SIPA1L2: variants seen among roughly 807,000 people sequenced by gnomAD.
SIPA1L2 encodes the protein signal-induced proliferation-associated 1-like protein 2.
In SIPA1L2, 56 loss-of-function variants were observed where a neutral mutation model predicts 163.9. The ratio of observed to expected loss-of-function variants is 0.34; its 90% CI spans 0.28 to 0.43. The LOEUF is 0.43. Among genes scored for constraint, SIPA1L2 ranks in the 20% least tolerant of loss-of-function variants. The pLI, the probability that SIPA1L2 is intolerant of heterozygous loss-of-function variation, is 1.00. For missense variants in SIPA1L2, 1,974 were observed against 2,193.5 expected, an observed-to-expected ratio of 0.90 and a Z score of 2.00; for synonymous variants, 877 against 865.7, an observed-to-expected ratio of 1.01 and a Z score of -0.23.
chr1:232,514,745 C>T lies in SIPA1L2; in HGVS notation c.595G>A (p.Asp199Asn). The change falls in exon 3 of 23, where the codon GAC becomes AAC. Residue 199 changes from aspartate to asparagine, a missense_variant. Asp to Asn is a conservative substitution (Grantham distance 23). Coordinates refer to ENST00000674635, the MANE Select transcript of SIPA1L2 (RefSeq NM_020808.5). ...TTTTCACCAGATAAGCCTTGCCTGTCGATGGATGAAGTACTTCCATACTCC... is the reference window on the plus strand; with the variant it reads ...TTTTCACCAGATAAGCCTTGCCTGTTGATGGATGAAGTACTTCCATACTCC... The part of the protein sequence containing the change: ...HREYGSTSSI[D>N]RQGLSGENFF... 12 of 1,614,180 alleles carry T rather than the reference C, an allele frequency of 7.4e-6. No individual in the cohort carries two copies. Among genetic ancestry groups the T allele is most frequent in the Non-Finnish European group, 9.3e-6 (11 of 1,180,022 alleles).
intron 1 of SIPA1L2, among the ~76,000 whole-genome samples, chr1:232,621,867 C>A (rs1213472293): frequency 6.6e-6 from 1 of 151,868 alleles, no homozygotes; most frequent in Non-Finnish European, 1.5e-5. Flanking sequence ...GTGGCTAGGT[C>A]GACAGGTGTG....
chr1:232,445,559 G>A lies in SIPA1L2; in HGVS notation c.3323C>T (p.Ser1108Phe), dbSNP rs1424892562. 6.2e-7 allele frequency: 1 copy of A among 1,613,992 alleles called. No individual in the cohort carries two copies. Among genetic ancestry groups the A allele is most frequent in the East Asian group, 2.2e-5 (1 of 44,876 alleles). ...GCCATCGGGCAGCTTCCGGTCGAAG[G>A]AGGTGCTTCGAGGAATGGCAGCCTG... ...QAQAAIPRST[S>F]FDRKLPDGTR... The change falls in exon 11 of 23, where the codon TCC becomes TTC. Residue 1108 changes from serine (S) to phenylalanine (F), a missense_variant. Transcript: ENST00000674635.
At chr1:232,572,734 CATACATAT>C (rs745344210) in intron 2 of SIPA1L2, among the ~76,000 whole-genome samples, 15,955 of 67,244 alleles carry the variant, frequency 0.24, 1,395 homozygotes, top group South Asian at 0.39. Context: ...TATATACATA[CATACATAT>C]ATATATATAT....
chr1:232,523,485 AAC>A (rs1277693378), intron 2 of SIPA1L2, among the ~76,000 whole-genome samples: 1 of 152,212 alleles, frequency 6.6e-6, no homozygotes, highest in African/African-American at 2.4e-5. Context: ...GTCTGAGGAA[AAC>A]ACAGCAAAAG....
At chr1:232,531,971 C>G (rs1184063377) in intron 2 of SIPA1L2, among the ~76,000 whole-genome samples, 1 of 152,154 alleles carries the variant, frequency 6.6e-6, no homozygotes, top group Non-Finnish European at 1.5e-5. Flanking sequence ...GTAGCGGGCT[C>G]AGATCCGGGA....
chr1:232,618,219 G>A (rs1383762595), intron 1 of SIPA1L2, among the ~76,000 whole-genome samples: 1 of 152,216 alleles, frequency 6.6e-6, no homozygotes, highest in African/African-American at 2.4e-5. Context: ...GTTAGTTCAT[G>A]AGACATAAGA....
At chr1:232,491,391 G>C (rs112404153) in intron 4 of SIPA1L2, among the ~76,000 whole-genome samples, 1 of 152,138 alleles carries the variant, frequency 6.6e-6, no homozygotes, top group South Asian at 2.1e-4. Flanking sequence ...TTCACACAGA[G>C]AGGAAACCAG....
intron 1 of SIPA1L2, among the ~76,000 whole-genome samples, chr1:232,625,005 G>A (rs140048128): frequency 1.4e-4 from 22 of 152,330 alleles, no homozygotes; most frequent in African/African-American, 5.3e-4. Flanking sequence ...AATCCAGTCA[G>A]TCATTTAACA....
At chr1:232,517,895 T>A (rs1003118249) in intron 2 of SIPA1L2, among the ~76,000 whole-genome samples, 3 of 151,908 alleles carry the variant, frequency 2.0e-5, no homozygotes, top group African/African-American at 7.3e-5. Flanking sequence ...TGTTTTTTTT[T>A]AATTAGCCCG....
intron 2 of SIPA1L2, among the ~76,000 whole-genome samples, chr1:232,527,652 C>G (rs1199715486): frequency 6.6e-6 from 1 of 151,080 alleles, no homozygotes; most frequent in African/African-American, 2.4e-5. Flanking sequence ...AAAGAATGAC[C>G]ACTTAATATG....
At chr1:232,554,230 C>CA (rs1658569101) in intron 2 of SIPA1L2, among the ~76,000 whole-genome samples, 1 of 152,136 alleles carries the variant, frequency 6.6e-6, no homozygotes, top group Admixed American at 6.5e-5. Flanking sequence ...TAAATGCAGT[C>CA]ATCAGAGCAA....
chr1:232,465,205 T>A lies in SIPA1L2; in HGVS notation c.2455A>T (p.Thr819Ser), dbSNP rs76102979. ...TTCACAGAGGTATCCACGGTGGCGG[T>A]TGTGACAAAGTTCTCCGCCAGATCT... The part of the protein sequence containing the change: ...LKDLAENFVT[T>S]ATVDTSVKFS... The change falls in exon 9 of 23, where the codon ACC becomes TCC. Residue 819 changes from threonine (T) to serine (S), a missense_variant. Thr to Ser is a moderately conservative substitution (Grantham distance 58). Around this residue, in one of 3 missense-constraint regions of SIPA1L2, gnomAD observed 288 missense variants for 418.9 expected, o/e 0.69. Coordinates refer to ENST00000674635, the MANE Select transcript of SIPA1L2 (RefSeq NM_020808.5). The surrounding 1 kb of genome is among the most constrained non-coding windows in gnomAD (Gnocchi z 4.1). 1.2e-6 allele frequency: 2 copies of A among 1,614,154 alleles called. No individual in the cohort carries two copies. Among genetic ancestry groups the A allele is most frequent in the Admixed American group, 1.7e-5 (1 of 60,024 alleles).
chr1:232,608,919 A>G (rs1000224110), intron 1 of SIPA1L2, among the ~76,000 whole-genome samples: 1 of 152,082 alleles, frequency 6.6e-6, no homozygotes, highest in African/African-American at 2.4e-5. Context: ...TACTCACAAT[A>G]GGCCGGTCTT....
intron 1 of SIPA1L2, among the ~76,000 whole-genome samples, chr1:232,576,242 C>T (rs1287416460): frequency 1.3e-5 from 2 of 152,236 alleles, no homozygotes; most frequent in Non-Finnish European, 2.9e-5. Flanking sequence ...GGCAACCCTG[C>T]ATGGAGCAAG....
intron 12 of SIPA1L2, 46 bp from the exon 13 acceptor site, chr1:232,441,914 C>T: frequency 1.3e-6 from 2 of 1,530,848 alleles, no homozygotes; most frequent in Non-Finnish European, 9.0e-7. Flanking sequence ...AACCGTGCCA[C>T]CTGCCAGCAT....
intron 14 of SIPA1L2, among the ~76,000 whole-genome samples, chr1:232,439,705 A>C (rs911291942): frequency 6.6e-6 from 1 of 152,192 alleles, no homozygotes; most frequent in South Asian, 2.1e-4. Context: ...TAATTTATCT[A>C]AGTTAAATGG....
intron 1 of SIPA1L2, among the ~76,000 whole-genome samples, chr1:232,600,153 T>C (rs1320998496): frequency 6.6e-6 from 1 of 152,196 alleles, no homozygotes; most frequent in Non-Finnish European, 1.5e-5. Context: ...GAGAACTTTA[T>C]GCTCAGTTCT....
At chr1:232,483,710 A>C in intron 6 of SIPA1L2, 82 bp downstream of exon 6, 40 of 1,428,492 alleles carry the variant, frequency 2.8e-5, no homozygotes, top group Middle Eastern at 2.2e-4. Flanking sequence ...ACAGGAGGGC[A>C]TGTGATCACT....
chr1:232,617,981 G>A (rs917417573), intron 1 of SIPA1L2, among the ~76,000 whole-genome samples: 15 of 152,180 alleles, frequency 9.9e-5, no homozygotes, highest in African/African-American at 3.4e-4. Context: ...GGTAGAAGAC[G>A]GAGAGACATC....
Sources: gnomAD v4.1 joint callset for allele counts (sites outside exome capture counted in the v4.1 genomes callset) on GRCh38, gnomAD v4.1.1 for gene constraint, gnomAD v4.1.1 regional missense constraint, Gnocchi (gnomAD v3.1) non-coding constraint, MANE v1.5 for transcripts, NCBI Gene and HGNC (gene_info 2026-07-23, HGNC 2026-07-21) for gene names.